The following GRIN3A variants were observed in gnomAD, a reference collection of about 807,000 sequenced individuals.
GRIN3A encodes glutamate ionotropic receptor NMDA type subunit 3A.
In GRIN3A, 47 loss-of-function variants were observed where a neutral mutation model predicts 92.4. That is an observed-to-expected ratio of 0.51 (90% confidence interval 0.40 to 0.65). GRIN3A has a LOEUF of 0.65. Ranked by LOEUF, GRIN3A falls within the 30% of genes least tolerant of loss-of-function variation. GRIN3A has a pLI of 0.00. For missense variants in GRIN3A, 1,324 were observed against 1,393.1 expected (o/e 0.95, Z 0.79); for synonymous variants, 527 against 540.6 (o/e 0.97, Z 0.35).
In GRIN3A at chr9:101,671,191, T is replaced by C. The variant is rs1262815323; in HGVS notation, c.1305-84A>G. 3 of 961,534 alleles carry C rather than the reference T, an allele frequency of 3.1e-6. No homozygotes were observed. In the African/African-American group the frequency reaches 4.8e-5, roughly 15 times the overall value. 59.6% of individuals were successfully genotyped at this position (961,534 alleles called of 1,614,324 possible). On this transcript the variant is annotated intron_variant, in intron 2 of 8. Transcript: ENST00000361820. ...CAGTGTTCAGCTTTGCTTCCTTGTCTTAATAAAAATAAATTCGAATTTTTA... is the reference window on the plus strand; with the variant it reads ...CAGTGTTCAGCTTTGCTTCCTTGTCCTAATAAAAATAAATTCGAATTTTTA...
chr9:101,668,798 C>T lies in GRIN3A; in HGVS notation c.2352+1262G>A, dbSNP rs73658580. Reference sequence around the variant, plus strand: ...TCTTTTGGTTGCAAAACAGAACTTACATCCAACTGAAACCATCTATGAAAA... The same window carrying T: ...TCTTTTGGTTGCAAAACAGAACTTATATCCAACTGAAACCATCTATGAAAA... On this transcript the variant is annotated intron_variant, in intron 3 of 8. Coordinates refer to ENST00000361820, the MANE Select transcript of GRIN3A (RefSeq NM_133445.3). Among the ~76,000 whole-genome samples, 483 of 152,256 alleles carry T rather than the reference C, an allele frequency of 3.2e-3. 2 individuals are homozygous for T. Among genetic ancestry groups the T allele is most frequent in the African/African-American group, 0.011 (447 of 41,562 alleles).
intron 3 of GRIN3A, among the ~76,000 whole-genome samples, chr9:101,647,568 A>G (rs1263377940): frequency 6.6e-6 from 1 of 151,924 alleles, no homozygotes; most frequent in East Asian, 1.9e-4. Context: ...TTTGAGTAGA[A>G]TTGGTATTAG....
chr9:101,673,152 T>G (rs2209064), intron 2 of GRIN3A, among the ~76,000 whole-genome samples: 50,864 of 152,012 alleles, frequency 0.33, 9,433 homozygotes, highest in Non-Finnish European at 0.41. Flanking sequence ...GCTTAATGAT[T>G]ATAGATTCTT....
At chr9:101,641,523 C>A (rs538779000) in intron 3 of GRIN3A, among the ~76,000 whole-genome samples, 2 of 151,736 alleles carry the variant, frequency 1.3e-5, no homozygotes, top group South Asian at 4.2e-4. Context: ...AGCAAACTAT[C>A]GCAAGAACAA....
chr9:101,628,414 A>G lies in GRIN3A; in HGVS notation c.2353-13T>C. ...AAGGATGATGTAACTATGAGGGAGA[A>G]AAAGAAATGGCTTAAATAAAAATTA... is the stretch of plus-strand genomic sequence containing the variant. On this transcript the variant is annotated splice_polypyrimidine_tract_variant and intron_variant, in intron 3 of 8. Coordinates refer to ENST00000361820, the MANE Select transcript of GRIN3A (RefSeq NM_133445.3). 6.2e-7 allele frequency: 1 copy of G among 1,611,858 alleles called. No homozygotes were observed. The highest frequency in any genetic ancestry group is 1.1e-5 in the South Asian group (1 of 90,854).
In GRIN3A at chr9:101,671,046, T is replaced by C; in HGVS notation, c.1366A>G (p.Ile456Val). Reference protein sequence around the residue: ...SGSIRVKGSTIVSSENNFFIW... With the variant: ...SGSIRVKGSTVVSSENNFFIW... The stretch of plus-strand genomic sequence containing the variant: ...AAAAAGTTGTTTTCTGAGCTGACGA[T>C]GGTGGAACCTTTTACTCTGATGGAA... Residue 456 changes from isoleucine (I) to valine (V), a missense_variant, in exon 3 of 9, where the codon ATC (isoleucine) becomes GTC (valine). Physicochemically the swap from Ile to Val is conservative, Grantham distance 29 (BLOSUM62 3). Coordinates refer to ENST00000361820, the MANE Select transcript of GRIN3A (RefSeq NM_133445.3). The C allele has an allele frequency of 6.2e-7, 1 of 1,613,994 alleles. No homozygotes were observed. Among genetic ancestry groups the C allele is most frequent in the African/African-American group, 1.3e-5 (1 of 75,042 alleles).
chr9:101,667,222 G>A (rs536958103), intron 3 of GRIN3A, among the ~76,000 whole-genome samples: 60 of 151,822 alleles, frequency 4.0e-4, no homozygotes, highest in African/African-American at 1.3e-3. Flanking sequence ...GGAGCAGAAT[G>A]AATTACTTGG....
intron 6 of GRIN3A, among the ~76,000 whole-genome samples, chr9:101,608,294 T>G (rs948179625): frequency 6.6e-6 from 1 of 152,206 alleles, no homozygotes; most frequent in Non-Finnish European, 1.5e-5. Flanking sequence ...TGACCTGGAA[T>G]GTGGGCCCAA....
chr9:101,664,989 A>T (rs1269274976), intron 3 of GRIN3A, among the ~76,000 whole-genome samples: 2 of 151,922 alleles, frequency 1.3e-5, no homozygotes, highest in African/African-American at 4.8e-5. Flanking sequence ...TAGCTTTTTC[A>T]TCCGAACATA....
chr9:101,731,143 A>C (rs1830135235), intron 1 of GRIN3A, among the ~76,000 whole-genome samples: 1 of 152,156 alleles, frequency 6.6e-6, no homozygotes, highest in Non-Finnish European at 1.5e-5. Context: ...ATATGCTTTT[A>C]ATAGTCCAAC....
chr9:101,603,186 T>A (rs1320818198), intron 6 of GRIN3A, among the ~76,000 whole-genome samples: 1 of 152,218 alleles, frequency 6.6e-6, no homozygotes, highest in Non-Finnish European at 1.5e-5. Context: ...AGTGTTTATC[T>A]CGGAGTTAGA....
At chr9:101,647,063 A>G (rs1828947440) in intron 3 of GRIN3A, among the ~76,000 whole-genome samples, 1 of 151,760 alleles carries the variant, frequency 6.6e-6, no homozygotes, top group African/African-American at 2.4e-5. Flanking sequence ...GTGCATCCCT[A>G]TCTTGTTCCA....
chr9:101,649,994 A>G (rs187309849), intron 3 of GRIN3A, among the ~76,000 whole-genome samples: 1 of 152,194 alleles, frequency 6.6e-6, no homozygotes, highest in East Asian at 1.9e-4. Flanking sequence ...ATGGAATAGG[A>G]GTTGAAACTT....
At chr9:101,715,903 C>A (rs1298160414) in intron 1 of GRIN3A, among the ~76,000 whole-genome samples, 1 of 152,140 alleles carries the variant, frequency 6.6e-6, no homozygotes, top group Non-Finnish European at 1.5e-5. Context: ...CTTGTAAATA[C>A]ATTTTTAAAC....
chr9:101,577,897 G>T, intron 7 of GRIN3A, 53 bp from the exon 8 acceptor site: 1 of 1,339,156 alleles, frequency 7.5e-7, no homozygotes, highest in Non-Finnish European at 1.1e-6. Context: ...ACATAGGTCA[G>T]GGAACAAAGA....
chr9:101,728,683 C>T (rs1416128238), intron 1 of GRIN3A, among the ~76,000 whole-genome samples: 1 of 152,152 alleles, frequency 6.6e-6, no homozygotes. Context: ...AAATTTCAAC[C>T]ATTATCCTTG....
rs530526170 is a variant in GRIN3A at position 101,676,475 on chromosome 9, C to T, written c.1305-5368G>A. 7.9e-5 allele frequency among the ~76,000 whole-genome samples: 12 copies of T among 151,944 alleles called. 1 individual carries two copies. In the South Asian group the frequency reaches 2.5e-3, roughly 31 times the overall value. ...ATATCTTGAAAACTAAGCTGAAGTT[C>T]TTTTCCCATGATCATCTCATCATAT... On this transcript the variant is annotated intron_variant, in intron 2 of 8. Transcript: ENST00000361820.
At chr9:101,649,438 G>A (rs28609108) in intron 3 of GRIN3A, among the ~76,000 whole-genome samples, 12,824 of 151,966 alleles carry the variant, frequency 0.084, 771 homozygotes, top group East Asian at 0.22. Context: ...AGCATCCCCA[G>A]TGGTTCCCAT....
At chr9:101,671,891 T>C (rs1055477816) in intron 2 of GRIN3A, among the ~76,000 whole-genome samples, 2 of 152,128 alleles carry the variant, frequency 1.3e-5, no homozygotes, top group Non-Finnish European at 2.9e-5. Flanking sequence ...CTAAATAATA[T>C]AGTGATTCCT....
Sources: gnomAD v4.1 joint callset for allele counts (sites outside exome capture counted in the v4.1 genomes callset) on GRCh38, gnomAD v4.1.1 for gene constraint, MANE v1.5 for transcripts, NCBI Gene and HGNC (gene_info 2026-07-23, HGNC 2026-07-21) for gene names.